ZCWPW2: variants seen among roughly 807,000 people sequenced by gnomAD.
The protein encoded by ZCWPW2 is zinc finger CW-type and PWWP domain containing 2, also known as zinc finger CW-type PWWP domain protein 2.
ZCWPW2 carries 45 observed loss-of-function variants against 46.6 expected under a neutral mutation model. The ratio of observed to expected loss-of-function variants is 0.96; its 90% CI spans 0.76 to 1.24. The LOEUF (loss-of-function observed/expected upper bound fraction) is 1.24. Among genes scored for constraint, ZCWPW2 ranks in the 50% most tolerant of loss-of-function variants. ZCWPW2 has a pLI of 0.00. For synonymous variants in ZCWPW2, 152 were observed against 137.1 expected (o/e 1.11, Z -0.76); for missense variants, 429 against 403.9 (o/e 1.06, Z -0.53).
intron 1 of ZCWPW2, among the ~76,000 whole-genome samples, chr3:28,371,124 G>A (rs6804107): frequency 0.54 from 81,271 of 151,894 alleles, 22,239 homozygotes; most frequent in African/African-American, 0.58. Context: ...TAAATTTATC[G>A]TAGTATTGAT....
At chr3:28,472,467 A>G (rs1484870440) in intron 4 of ZCWPW2, among the ~76,000 whole-genome samples, 2 of 152,178 alleles carry the variant, frequency 1.3e-5, no homozygotes, top group African/African-American at 2.4e-5. Flanking sequence ...AACAACATAC[A>G]TTAGGAAAAG....
At chr3:28,363,855 G>A (rs1705026364) in intron 1 of ZCWPW2, among the ~76,000 whole-genome samples, 1 of 152,080 alleles carries the variant, frequency 6.6e-6, no homozygotes, top group African/African-American at 2.4e-5. Flanking sequence ...CCTCCTGACT[G>A]ATCCTACTCC....
rs530307449 is a variant in ZCWPW2, at chr3:28,416,861, G to C, written c.332+3461G>C. Among the ~76,000 whole-genome samples, 263 of 123,008 alleles carry C rather than the reference G, an allele frequency of 2.1e-3. 1 individual carries two copies. The highest frequency in any genetic ancestry group is 7.7e-3 in the African/African-American group (243 of 31,514). 80.7% of individuals were successfully genotyped at this position (123,008 alleles called of 152,430 possible). On this transcript the variant is annotated intron_variant, in intron 3 of 9. Transcript: ENST00000383768. The stretch of plus-strand genomic sequence containing the variant: ...TGAACCAGCCTTGCATCCCAGGGAT[G>C]AAGCCCACTTGATCATGGTGGATAA...
intron 2 of ZCWPW2, among the ~76,000 whole-genome samples, chr3:28,396,876 C>T (rs924267230): frequency 8.5e-5 from 13 of 152,122 alleles, no homozygotes; most frequent in Non-Finnish European, 1.6e-4. Context: ...CACCTGTAAT[C>T]CCAGCACTTT....
chr3:28,448,514 G>A lies in ZCWPW2; in HGVS notation c.492+13245G>A, dbSNP rs148465323. On this transcript the variant is annotated intron_variant, in intron 4 of 9. Coordinates refer to ENST00000383768, the MANE Select transcript of ZCWPW2 (RefSeq NM_001040432.4). Reference sequence around the variant, plus strand: ...AAGGTGTCAATACCGGCCAGATGTGGTGGCTCATGCCTGTAATCCCAGCAT... The same window carrying A: ...AAGGTGTCAATACCGGCCAGATGTGATGGCTCATGCCTGTAATCCCAGCAT... Among the ~76,000 whole-genome samples the A allele has an allele frequency of 2.5e-3, 386 of 152,064 alleles. 1 individual carries two copies. The highest frequency in any genetic ancestry group is 8.4e-3 in the African/African-American group (350 of 41,478).
chr3:28,514,534 G>A (rs184290273), intron 7 of ZCWPW2, among the ~76,000 whole-genome samples: 14 of 152,168 alleles, frequency 9.2e-5, no homozygotes, highest in Admixed American at 8.5e-4. Context: ...GTTTGAGCTG[G>A]GCTTTATTGG....
intron 1 of ZCWPW2, among the ~76,000 whole-genome samples, chr3:28,382,721 A>T (rs1262316234): frequency 2.0e-5 from 3 of 152,164 alleles, no homozygotes; most frequent in Non-Finnish European, 2.9e-5. Flanking sequence ...TGAGTCTTTG[A>T]TAGGAAAGCT....
At chr3:28,481,183 C>T (rs1398610098) in intron 5 of ZCWPW2, among the ~76,000 whole-genome samples, 1 of 152,086 alleles carries the variant, frequency 6.6e-6, no homozygotes, top group African/African-American at 2.4e-5. Context: ...TTCCATTGAT[C>T]TATGGATATG....
In ZCWPW2 at chr3:28,470,059, T is replaced by C. The variant is rs1698980423; in HGVS notation, c.493-8755T>C. On this transcript the variant is annotated intron_variant, in intron 4 of 9. Coordinates refer to ENST00000383768, the MANE Select transcript of ZCWPW2 (RefSeq NM_001040432.4). ...ACAAGTCTTAAAACATTCAAAAAAATTGAACGTATGTCAGGTATCTTCTCT... is the reference window on the plus strand; with the variant it reads ...ACAAGTCTTAAAACATTCAAAAAAACTGAACGTATGTCAGGTATCTTCTCT... 2.0e-5 allele frequency among the ~76,000 whole-genome samples: 3 copies of C among 152,150 alleles called. No homozygotes were observed. The South Asian group carries it at 6.2e-4, about 32-fold the overall frequency.
chr3:28,432,307 C>G (rs974630070), intron 3 of ZCWPW2, among the ~76,000 whole-genome samples: 3 of 152,124 alleles, frequency 2.0e-5, no homozygotes, highest in Admixed American at 2.0e-4. Context: ...TGAACTATAA[C>G]ATGTGGGGGC....
At chr3:28,465,653 A>G (rs1335238112) in intron 4 of ZCWPW2, among the ~76,000 whole-genome samples, 3 of 152,186 alleles carry the variant, frequency 2.0e-5, no homozygotes. Flanking sequence ...AATATAATTA[A>G]CCAAAGAAAG....
rs1277382617 is a variant in ZCWPW2 at position 28,526,327 on chromosome 3, T to G, written c.*1639T>G. ...ACTCATCAATATCAGAGTTCTTTCT[T>G]TCTCATTTATAAAATTAATCTTTGG... is the stretch of plus-strand genomic sequence containing the variant. On this transcript the variant is annotated 3_prime_UTR_variant, in exon 10 of 10. Transcript: ENST00000383768. 6.6e-6 allele frequency among the ~76,000 whole-genome samples: 1 copy of G among 152,206 alleles called. No individual in the cohort carries two copies. Among genetic ancestry groups the G allele is most frequent in the Non-Finnish European group, 1.5e-5 (1 of 68,020 alleles).
In ZCWPW2 at chr3:28,478,935, T is replaced by G; in HGVS notation, c.610+4T>G. On this transcript the variant is annotated splice_donor_region_variant and intron_variant, in intron 5 of 9. Coordinates refer to ENST00000383768, the MANE Select transcript of ZCWPW2 (RefSeq NM_001040432.4). ...TGCTGCCTATCAAAACTACAAGGTG[T>G]ATAAATATTTTTTCTTTATTACTCT... 1 of 1,528,678 alleles carries G rather than the reference T, an allele frequency of 6.5e-7. No individual in the cohort carries two copies. Among genetic ancestry groups the G allele is most frequent in the Non-Finnish European group, 8.8e-7 (1 of 1,132,298 alleles). 94.7% of individuals were successfully genotyped at this position (1,528,678 alleles called of 1,614,324 possible). A position where few individuals can be genotyped will look rare whatever the true frequency, so the allele number is the denominator to read the frequency against.
intron 3 of ZCWPW2, among the ~76,000 whole-genome samples, chr3:28,413,915 T>C (rs1181696105): frequency 2.6e-5 from 4 of 152,156 alleles, no homozygotes; most frequent in Non-Finnish European, 4.4e-5. Flanking sequence ...GCATGTATTC[T>C]ATAATTGTTG....
At chr3:28,499,750 C>T (rs1045927842) in intron 6 of ZCWPW2, among the ~76,000 whole-genome samples, 3 of 152,012 alleles carry the variant, frequency 2.0e-5, no homozygotes, top group Non-Finnish European at 4.4e-5. Flanking sequence ...ATGGTATTGC[C>T]TGGGTTTTCT....
At chr3:28,481,791 C>A (rs1699438096) in intron 5 of ZCWPW2, among the ~76,000 whole-genome samples, 1 of 152,018 alleles carries the variant, frequency 6.6e-6, no homozygotes, top group African/African-American at 2.4e-5. Flanking sequence ...TCAACCCAAC[C>A]ACCTAAGTTT....
intron 1 of ZCWPW2, among the ~76,000 whole-genome samples, chr3:28,379,971 T>C (rs998437781): frequency 2.0e-5 from 3 of 152,170 alleles, no homozygotes; most frequent in African/African-American, 7.2e-5. Context: ...TTAATTTTTT[T>C]ATTTTTATTT....
chr3:28,369,376 T>A (rs1705233150), intron 1 of ZCWPW2, among the ~76,000 whole-genome samples: 1 of 152,214 alleles, frequency 6.6e-6, no homozygotes, highest in South Asian at 2.1e-4. Flanking sequence ...CTTCTATCAG[T>A]CAGGACCCTC....
intron 1 of ZCWPW2, among the ~76,000 whole-genome samples, chr3:28,359,053 C>T (rs1704843474): frequency 1.3e-5 from 2 of 151,976 alleles, no homozygotes; most frequent in South Asian, 4.1e-4. Context: ...TATGTTGAAT[C>T]TAGTAACTGA....
Sources: gnomAD v4.1 joint callset for allele counts (sites outside exome capture counted in the v4.1 genomes callset) on GRCh38, gnomAD v4.1.1 for gene constraint, MANE v1.5 for transcripts, NCBI Gene and HGNC (gene_info 2026-07-23, HGNC 2026-07-21) for gene names.